Variants in SERGEF observed in about 807,000 individuals in gnomAD.
SERGEF encodes the protein secretion regulating guanine nucleotide exchange factor, also known as secretion-regulating guanine nucleotide exchange factor.
Under a neutral mutation model 50.0 loss-of-function variants are expected in SERGEF, and 51 were observed. The observed-to-expected ratio is 1.02, with a 90% CI of 0.81 to 1.29. The LOEUF is 1.29. Ranked by LOEUF, SERGEF falls within the 50% of genes most tolerant of loss-of-function variation. SERGEF has a pLI of 0.00. For missense variants in SERGEF, 521 were observed against 557.0 expected, an observed-to-expected ratio of 0.94 and a Z score of 0.65; for synonymous variants, 205 against 212.4, an observed-to-expected ratio of 0.97 and a Z score of 0.30.
intron 10 of SERGEF, among the ~76,000 whole-genome samples, chr11:17,802,398 C>T (rs1849687480): frequency 6.6e-6 from 1 of 152,210 alleles, no homozygotes; most frequent in Non-Finnish European, 1.5e-5. Flanking sequence ...CTCCTGTGGG[C>T]TCAGCCCCTA....
Position 17,992,910 on chromosome 11 carries a change from C to T in SERGEF, c.685+21G>A, listed in dbSNP as rs182333933. ...CAGAATCCTGAATGGCATGTTAAAC[C>T]GTGAAAGAGCTGGTACCTACCTGTT... On this transcript the variant is annotated intron_variant, in intron 7 of 10. Coordinates refer to ENST00000265965, the MANE Select transcript of SERGEF (RefSeq NM_012139.4). 665 of 1,607,166 alleles carry T rather than the reference C, an allele frequency of 4.1e-4. 3 individuals carry two copies. In the African/African-American group the frequency reaches 7.5e-3, roughly 18 times the overall value.
chr11:17,851,048 T>C (rs919203921), intron 10 of SERGEF, among the ~76,000 whole-genome samples: 1 of 152,232 alleles, frequency 6.6e-6, no homozygotes, highest in African/African-American at 2.4e-5. Flanking sequence ...ATAGGGATGA[T>C]ACCTACCTTA....
intron 5 of SERGEF, among the ~76,000 whole-genome samples, chr11:17,999,324 G>A (rs1372670835): frequency 1.3e-5 from 2 of 152,144 alleles, no homozygotes; most frequent in Non-Finnish European, 2.9e-5. Flanking sequence ...CTATAGTTTT[G>A]CAAGATACCA....
intron 10 of SERGEF, chr11:17,855,129 T>A (rs1409357216): frequency 6.6e-6 from 1 of 152,216 alleles, no homozygotes; most frequent in Non-Finnish European, 1.5e-5. Flanking sequence ...ATTCTTACTT[T>A]TTATACAAAA....
At chr11:17,975,893 C>T (rs1853362364) in intron 8 of SERGEF, among the ~76,000 whole-genome samples, 2 of 152,138 alleles carry the variant, frequency 1.3e-5, no homozygotes, top group African/African-American at 2.4e-5. Context: ...GATTTTTTCG[C>T]AGTATTCCTT....
intron 9 of SERGEF, among the ~76,000 whole-genome samples, chr11:17,949,286 G>A (rs1852727446): frequency 6.6e-6 from 1 of 152,110 alleles, no homozygotes; most frequent in Non-Finnish European, 1.5e-5. Context: ...GAACTACAGG[G>A]CTCGCTCCTA....
intron 9 of SERGEF, among the ~76,000 whole-genome samples, chr11:17,916,132 C>G (rs971674294): frequency 2.6e-5 from 4 of 152,130 alleles, no homozygotes; most frequent in African/African-American, 9.7e-5. Flanking sequence ...CCTAGAATAA[C>G]TTTCCAAACA....
chr11:17,901,810 T>C (rs1008691269), intron 9 of SERGEF, among the ~76,000 whole-genome samples: 1 of 152,254 alleles, frequency 6.6e-6, no homozygotes, highest in Non-Finnish European at 1.5e-5. Flanking sequence ...GTGTGTGCTT[T>C]ATCCCTCCTG....
At chr11:17,972,756 A>C (rs1853277136) in intron 8 of SERGEF, among the ~76,000 whole-genome samples, 1 of 152,054 alleles carries the variant, frequency 6.6e-6, no homozygotes, top group East Asian at 1.9e-4. Context: ...CCTAATTATC[A>C]TGGGCTTCCT....
rs1389800563 is a variant in SERGEF, at chr11:17,896,847, G to GT, written c.1012-18604_1012-18603insA. Among the ~76,000 whole-genome samples the GT allele has an allele frequency of 2.1e-3, 164 of 79,060 alleles. 26 individuals carry two copies. The highest frequency in any genetic ancestry group is 3.4e-3 in the Non-Finnish European group (137 of 40,884). The allele number at this position is 79,060 out of a possible 152,430, so 51.9% of individuals were successfully genotyped here. A position where few individuals can be genotyped will look rare whatever the true frequency, so the allele number is the denominator to read the frequency against. On this transcript the variant is annotated intron_variant, in intron 9 of 10. Coordinates refer to ENST00000265965, the MANE Select transcript of SERGEF (RefSeq NM_012139.4). ...AGGGTAACGGAAGGGTAAGGGAAGG[G>GT]AAGGGTAAGGGAAGGGAAGGGAAGG...
intron 10 of SERGEF, among the ~76,000 whole-genome samples, chr11:17,800,173 A>G (rs957371348): frequency 2.0e-5 from 3 of 152,088 alleles, no homozygotes; most frequent in African/African-American, 7.2e-5. Context: ...TAAATAGACT[A>G]TTTTTTAAGA....
At chr11:17,821,607 G>T (rs1002604244) in intron 10 of SERGEF, among the ~76,000 whole-genome samples, 2 of 152,120 alleles carry the variant, frequency 1.3e-5, no homozygotes, top group African/African-American at 4.8e-5. Context: ...TGCCTAGAAT[G>T]CCCTCCTCAT....
At chr11:18,012,785 C>CCCCAACACCAA in intron 1 of SERGEF, 166 bp downstream of exon 1, 4 of 1,141,348 alleles carry the variant, frequency 3.5e-6, no homozygotes, top group African/African-American at 1.6e-5. Context: ...CCCCGCCCGC[C>CCCCAACACCAA]CGCTCCTCCT....
intron 9 of SERGEF, among the ~76,000 whole-genome samples, chr11:17,907,163 C>CAAAAAA (rs200442630): frequency 1.7e-5 from 2 of 116,788 alleles, no homozygotes; most frequent in Admixed American, 9.1e-5. Flanking sequence ...AACTTATGAC[C>CAAAAAA]AAAAAAAAAA....
intron 10 of SERGEF, among the ~76,000 whole-genome samples, chr11:17,866,237 G>T (rs937574666): frequency 6.6e-6 from 1 of 152,176 alleles, no homozygotes; most frequent in Non-Finnish European, 1.5e-5. Context: ...GTGCAATTTT[G>T]GGTAATGCCT....
intron 10 of SERGEF, among the ~76,000 whole-genome samples, chr11:17,819,041 T>A (rs544457173): frequency 1.3e-5 from 2 of 152,396 alleles, no homozygotes; most frequent in East Asian, 3.9e-4. Context: ...AGCTCTGTAA[T>A]AACACTATTC....
rs534784344 is a variant in SERGEF at position 17,864,052 on chromosome 11, C to T, written c.1048+14156G>A. On this transcript the variant is annotated intron_variant, in intron 10 of 10. Coordinates refer to ENST00000265965, the MANE Select transcript of SERGEF (RefSeq NM_012139.4). ...ATAACACAGAGAGTTATCACCATAA[C>T]TCTAGTTATGGTGCACAGTGGAAGG... Among the ~76,000 whole-genome samples, 5 of 152,332 alleles carry T rather than the reference C, an allele frequency of 3.3e-5. No individual in the cohort carries two copies. In the East Asian group the frequency reaches 7.7e-4, roughly 24 times the overall value.
chr11:17,894,995 C>A (rs994694764), intron 9 of SERGEF, among the ~76,000 whole-genome samples: 23 of 152,126 alleles, frequency 1.5e-4, no homozygotes, highest in African/African-American at 5.3e-4. Flanking sequence ...GGCAGCACAG[C>A]CCCTTCCTGT....
At chr11:17,971,512 T>C (rs1242431901) in intron 8 of SERGEF, among the ~76,000 whole-genome samples, 2 of 152,234 alleles carry the variant, frequency 1.3e-5, no homozygotes, top group Non-Finnish European at 2.9e-5. Context: ...CAACAGAGCC[T>C]GGATGATAGC....
Sources: allele counts gnomAD v4.1 joint callset (sites outside exome capture counted in the v4.1 genomes callset), GRCh38; gene constraint gnomAD v4.1.1; transcripts MANE v1.5; gene names NCBI Gene and HGNC (gene_info 2026-07-23, HGNC 2026-07-21).